TAF9B: variants seen among roughly 807,000 people sequenced by gnomAD.
TAF9B encodes the protein transcription initiation factor TFIID subunit 9B.
TAF9B carries 47 observed loss-of-function variants against 17.6 expected under a neutral mutation model. The observed-to-expected ratio is 2.68, with a 90% CI of 2.12 to 3.41. The LOEUF is 3.41. TAF9B is among the 30% of genes most tolerant of loss of function. The pLI, the probability that TAF9B is intolerant of heterozygous loss-of-function variation, is 0.00. For synonymous variants in TAF9B, 84 were observed against 68.7 expected (o/e 1.22, Z -1.10); for missense variants, 218 against 189.3 (o/e 1.15, Z -0.89).
rs1197956222 is a variant in TAF9B, at chrX:78,139,427, C to T, written c.51+134G>A. The T allele has an allele frequency of 1.0e-5, 10 of 963,933 alleles. No individual in the cohort carries two copies. The African/African-American group carries it at 1.7e-4, about 17-fold the overall frequency. 79.4% of individuals were successfully genotyped at this position (963,933 alleles called of 1,213,427 possible). ...CGGGGGCCAGGGCGCATCCCCATCA[C>T]CCTCTCCTCCTGACGGCCCTGACTA... On this transcript the variant is annotated intron_variant, in intron 1 of 6. Coordinates refer to ENST00000341864, the MANE Select transcript of TAF9B (RefSeq NM_015975.5).
rs782637968 is a variant in TAF9B at position 78,138,846 on chromosome X, A to G, written c.130T>C (p.Phe44Leu). 5 of 1,199,476 alleles carry G rather than the reference A, an allele frequency of 4.2e-6. No homozygotes were observed. Among genetic ancestry groups the G allele is most frequent in the African/African-American group, 1.7e-5 (1 of 57,342 alleles). Residue 44 changes from phenylalanine to leucine, a missense_variant, in exon 2 of 7, where the codon TTC becomes CTC. Coordinates refer to ENST00000341864, the MANE Select transcript of TAF9B (RefSeq NM_015975.5). ...RVINQMLEFA[F>L]RYVTTILDDA... Reference sequence around the variant, plus strand: ...TTTTGGTGTTTCATTAACTTACGGAAAGCAAATTCCAACATTTGATTTATA... The same window carrying G: ...TTTTGGTGTTTCATTAACTTACGGAGAGCAAATTCCAACATTTGATTTATA...
In TAF9B at chrX:78,139,574, G is replaced by C. The variant is rs367714333; in HGVS notation, c.38C>G (p.Pro13Arg). The C allele has an allele frequency of 8.3e-7, 1 of 1,210,690 alleles. No homozygotes were observed. The highest frequency in any genetic ancestry group is 1.1e-6 in the Non-Finnish European group (1 of 895,213). Residue 13 changes from proline (P) to arginine (R), a missense_variant, in exon 1 of 7, where the codon CCG (proline) becomes CGG (arginine). Coordinates refer to ENST00000341864, the MANE Select transcript of TAF9B (RefSeq NM_015975.5). ...CTTCGCACTTACCAAGGCATCTCTCGGAGCGTTCTTGGGAGGCGCCATCTT... is the reference window on the plus strand; with the variant it reads ...CTTCGCACTTACCAAGGCATCTCTCCGAGCGTTCTTGGGAGGCGCCATCTT... ...SGKMAPPKNA[P>R]RDALVMAQIL...
In TAF9B at chrX:78,130,217, G is replaced by A. The variant is rs1335435228; in HGVS notation, c.*1393C>T. The A allele has an allele frequency of 4.5e-5, 5 of 111,768 alleles. No homozygotes were observed. The highest frequency in any genetic ancestry group is 1.6e-4 in the African/African-American group (5 of 30,746). 9.2% of individuals were successfully genotyped at this position (111,768 alleles called of 1,213,427 possible). A position where few individuals can be genotyped will look rare whatever the true frequency, so the allele number is the denominator to read the frequency against. ...TATCCTAAGATGAAACTTCTGTTTTGAGGATCCTTGGCTATAAATTCTCAA... is the reference window on the plus strand; with the variant it reads ...TATCCTAAGATGAAACTTCTGTTTTAAGGATCCTTGGCTATAAATTCTCAA... On this transcript the variant is annotated 3_prime_UTR_variant, in exon 7 of 7. Transcript: ENST00000341864.
At position 78,139,566 on chromosome X, in the gene TAF9B, C is replaced by G; in HGVS notation, c.46G>C (p.Ala16Pro). 8.3e-7 allele frequency: 1 copy of G among 1,212,117 alleles called. No individual in the cohort carries two copies. The highest frequency in any genetic ancestry group is 1.1e-6 in the Non-Finnish European group (1 of 895,499). ...GGCTTATCCTTCGCACTTACCAAGG[C>G]ATCTCTCGGAGCGTTCTTGGGAGGC... ...MAPPKNAPRDALVMAQILKDM... is the reference protein window; with the variant it reads ...MAPPKNAPRDPLVMAQILKDM... Residue 16 changes from alanine (A) to proline (P), a missense_variant, in exon 1 of 7, where the codon GCC (alanine) becomes CCC (proline). Physicochemically the swap from Ala to Pro is conservative, Grantham distance 27. Coordinates refer to ENST00000341864, the MANE Select transcript of TAF9B (RefSeq NM_015975.5).
Position 78,137,990 on chromosome X carries a change from T to G in TAF9B, c.242A>C (p.Gln81Pro). The change falls in exon 3 of 7, where the codon CAA becomes CCA. Residue 81 changes from glutamine (Q) to proline (P), a missense_variant. Transcript: ENST00000341864. ...VRLAIQCRADQSFTSPPPRDF... is the reference protein window; with the variant it reads ...VRLAIQCRADPSFTSPPPRDF... ...TCTTGGGGGAGGAGAGGTAAAAGAT[T>G]GGTCAGCACGACACTGGATTGCCAG... The G allele has an allele frequency of 8.3e-7, 1 of 1,209,692 alleles. No homozygotes were observed.
chrX:78,131,283 T>C lies in TAF9B; in HGVS notation c.*327A>G, dbSNP rs781810235. 2.8e-5 allele frequency: 4 copies of C among 141,051 alleles called. No individual in the cohort carries two copies. Among genetic ancestry groups the C allele is most frequent in the Non-Finnish European group, 4.1e-5 (3 of 73,310 alleles). The allele number at this position is 141,051 out of a possible 1,213,427, so 11.6% of individuals were successfully genotyped here. A position where few individuals can be genotyped will look rare whatever the true frequency, so the allele number is the denominator to read the frequency against. Reference sequence around the variant, plus strand: ...CAGAAATTATGCTGTCAAAGATAAATCTGCTGACTAGGCTGTAGAATCTGA... The same window carrying C: ...CAGAAATTATGCTGTCAAAGATAAACCTGCTGACTAGGCTGTAGAATCTGA... On this transcript the variant is annotated 3_prime_UTR_variant, in exon 7 of 7. Coordinates refer to ENST00000341864, the MANE Select transcript of TAF9B (RefSeq NM_015975.5).
chrX:78,131,162 T>C lies in TAF9B; in HGVS notation c.*448A>G, dbSNP rs1324959438. 1 of 102,000 alleles carries C rather than the reference T, an allele frequency of 9.8e-6. No individual in the cohort carries two copies. Among genetic ancestry groups the C allele is most frequent in the East Asian group, 3.2e-4 (1 of 3,172 alleles). The allele number at this position is 102,000 out of a possible 1,213,427, so 8.4% of individuals were successfully genotyped here. A position where few individuals can be genotyped will look rare whatever the true frequency, so the allele number is the denominator to read the frequency against. ...AAATCCATCCTTTCCAAAAAATGTT[T>C]CCTATATTGAGAGATTTGGTAAAAA... On this transcript the variant is annotated 3_prime_UTR_variant, in exon 7 of 7. Coordinates refer to ENST00000341864, the MANE Select transcript of TAF9B (RefSeq NM_015975.5).
At chrX:78,135,013 C>T (rs912776897) in intron 5 of TAF9B, among the ~76,000 whole-genome samples, 3 of 104,127 alleles carry the variant, frequency 2.9e-5, no homozygotes, top group Non-Finnish European at 5.9e-5. Flanking sequence ...AATGCAGTGG[C>T]ATGATCTTGG....
Position 78,130,526 on chromosome X carries a change from T to C in TAF9B, c.*1084A>G, listed in dbSNP as rs376606078. ...GTCTTTCAGGTTTGATCCTGTCTTA[T>C]ATGTGACATCCTCAGCAACAAGCTA... On this transcript the variant is annotated 3_prime_UTR_variant, in exon 7 of 7. Coordinates refer to ENST00000341864, the MANE Select transcript of TAF9B (RefSeq NM_015975.5). 2.8e-4 allele frequency: 32 copies of C among 112,654 alleles called. 1 individual carries two copies. In the East Asian group the frequency reaches 3.6e-3, roughly 13 times the overall value. The allele number at this position is 112,654 out of a possible 1,213,427, so 9.3% of individuals were successfully genotyped here. A position where few individuals can be genotyped will look rare whatever the true frequency, so the allele number is the denominator to read the frequency against.
At chrX:78,138,579 G>A (rs1049200235) in intron 2 of TAF9B, among the ~76,000 whole-genome samples, 1 of 111,892 alleles carries the variant, frequency 8.9e-6, no homozygotes, top group Non-Finnish European at 1.9e-5. Context: ...GCAATATGGC[G>A]AAACTCCCTT....
rs782705766 is a variant in TAF9B at position 78,139,494 on chromosome X, T to G, written c.51+67A>C. The G allele has an allele frequency of 4.8e-5, 58 of 1,196,929 alleles. No individual in the cohort carries two copies. In the Admixed American group the frequency reaches 6.0e-4, roughly 12 times the overall value. ...CGAGCCGACCCTCAGGCCCTCAGCG[T>G]GGCCCCGCCTCGCAGGTCCCTGGCT... On this transcript the variant is annotated intron_variant, in intron 1 of 6. Coordinates refer to ENST00000341864, the MANE Select transcript of TAF9B (RefSeq NM_015975.5).
At chrX:78,134,226 T>C (rs2078425841) in intron 5 of TAF9B, among the ~76,000 whole-genome samples, 1 of 111,618 alleles carries the variant, frequency 9.0e-6, no homozygotes, top group South Asian at 3.7e-4. Flanking sequence ...TTAAACGTCT[T>C]ATATCCTGCC....
rs1268993149 is a variant in TAF9B at position 78,131,067 on chromosome X, G to C, written c.*543C>G. On this transcript the variant is annotated 3_prime_UTR_variant, in exon 7 of 7. Coordinates refer to ENST00000341864, the MANE Select transcript of TAF9B (RefSeq NM_015975.5). ...AGAAAATGAATGGGATCTAGAAAGG[G>C]AGTTGAGTTTGGAAGTTAAGGAAGT... 1 of 110,847 alleles carries C rather than the reference G, an allele frequency of 9.0e-6. No homozygotes were observed. The highest frequency in any genetic ancestry group is 1.9e-5 in the Non-Finnish European group (1 of 52,948). The allele number at this position is 110,847 out of a possible 1,213,427, so 9.1% of individuals were successfully genotyped here.
chrX:78,131,470 TAAC>T lies in TAF9B; in HGVS notation c.*137_*139del, dbSNP rs2078411946. On this transcript the variant is annotated 3_prime_UTR_variant, in exon 7 of 7. Transcript: ENST00000341864. ...CATTTGTATGTTTACTAAAGAGATC[TAAC>T]AGTTTTAACTGACGAAAAATACTGC... is the stretch of plus-strand genomic sequence containing the variant. 1 of 477,067 alleles carries T rather than the reference TAAC, an allele frequency of 2.1e-6. No homozygotes were observed. 39.3% of individuals were successfully genotyped at this position (477,067 alleles called of 1,213,427 possible).
intron 2 of TAF9B, 96 bp downstream of exon 2, chrX:78,138,747 T>C: frequency 4.1e-6 from 3 of 739,240 alleles, no homozygotes; most frequent in Non-Finnish European, 2.1e-6. Context: ...AGCGAGTCCC[T>C]GTCTCAAAAA....
Position 78,130,679 on chromosome X carries a change from CAT to C in TAF9B, c.*929_*930del, listed in dbSNP as rs1557249339. Reference sequence around the variant, plus strand: ...GGTCCAGTGTAATTACTTATCAAAACATGTTTTAAGCTACAGCATCTCTGTTA... The same window carrying C: ...GGTCCAGTGTAATTACTTATCAAAACGTTTTAAGCTACAGCATCTCTGTTA... On this transcript the variant is annotated 3_prime_UTR_variant, in exon 7 of 7. Transcript: ENST00000341864. 2 of 112,710 alleles carry C rather than the reference CAT, an allele frequency of 1.8e-5. No homozygotes were observed. Among genetic ancestry groups the C allele is most frequent in the East Asian group, 2.8e-4 (1 of 3,623 alleles). 9.3% of individuals were successfully genotyped at this position (112,710 alleles called of 1,213,427 possible).
chrX:78,139,457 G>C, intron 1 of TAF9B, 104 bp downstream of exon 1: 2 of 1,127,731 alleles, frequency 1.8e-6, no homozygotes, highest in Non-Finnish European at 2.4e-6. Context: ...TGACTAGACT[G>C]AAACGAGCGT....
At position 78,137,968 on chromosome X, in the gene TAF9B, TGGG is replaced by T. The variant is rs782731408; in HGVS notation, c.261_263del (p.Pro88del). The T allele has an allele frequency of 8.3e-7, 1 of 1,208,038 alleles. No individual in the cohort carries two copies. The highest frequency in any genetic ancestry group is 1.8e-5 in the South Asian group (1 of 55,873). ...CAAATCAAAGTTTGCTCACATCTCT[TGGG>T]GGAGGAGAGGTAAAAGATTGGTCAG... On this transcript the variant is annotated inframe_deletion, in exon 3 of 7. Transcript: ENST00000341864.
At position 78,138,019 on chromosome X, in the gene TAF9B, C is replaced by A. The variant is rs1292205104; in HGVS notation, c.213G>T (p.Val71=). The A allele has an allele frequency of 8.3e-7, 1 of 1,208,712 alleles. No homozygotes were observed. The highest frequency in any genetic ancestry group is 2.2e-5 in the Admixed American group (1 of 45,702). The change falls in exon 3 of 7, where the codon GTG becomes GTT. Residue 71 remains valine (V), a synonymous_variant. Coordinates refer to ENST00000341864, the MANE Select transcript of TAF9B (RefSeq NM_015975.5). ...AKKPNVDADD[V]RLAIQCRADQ... Reference sequence around the variant, plus strand: ...CAGCACGACACTGGATTGCCAGTCTCACATCATCTGCATCAACATTAGGTT... The same window carrying A: ...CAGCACGACACTGGATTGCCAGTCTAACATCATCTGCATCAACATTAGGTT...
Sources: gnomAD v4.1 joint callset for allele counts (sites outside exome capture counted in the v4.1 genomes callset) on GRCh38, gnomAD v4.1.1 for gene constraint, MANE v1.5 for transcripts, NCBI Gene and HGNC (gene_info 2026-07-23, HGNC 2026-07-21) for gene names.